JAZF1: variants seen among roughly 807,000 people sequenced by gnomAD.
The protein encoded by JAZF1 is JAZF zinc finger 1.
JAZF1 carries 8 observed loss-of-function variants against 26.4 expected under a neutral mutation model. That is an observed-to-expected ratio of 0.30 (90% CI 0.18 to 0.55). The LOEUF is 0.55. JAZF1 is among the 20% of genes least tolerant of loss of function. JAZF1 has a pLI of 0.94. For synonymous variants in JAZF1, 126 were observed against 122.3 expected (o/e 1.03, Z -0.20); for missense variants, 199 against 322.0 (o/e 0.62, Z 2.92).
At chr7:27,907,903 C>T (rs189239462) in intron 2 of JAZF1, among the ~76,000 whole-genome samples, 1 of 152,158 alleles carries the variant, frequency 6.6e-6, no homozygotes, top group Non-Finnish European at 1.5e-5. Flanking sequence ...CAGCACTGTG[C>T]CCTAGGTAGT....
intron 2 of JAZF1, among the ~76,000 whole-genome samples, chr7:27,928,111 C>A (rs1784628635): frequency 6.6e-6 from 1 of 152,174 alleles, no homozygotes. Context: ...GATGGCTATA[C>A]TTAAAATGCT....
chr7:28,139,692 TAC>T (rs1782934317), intron 1 of JAZF1, among the ~76,000 whole-genome samples: 3 of 152,214 alleles, frequency 2.0e-5, no homozygotes, highest in African/African-American at 7.2e-5. Context: ...CAGTTTATGG[TAC>T]AGTTATTGTA....
At chr7:27,887,803 T>C (rs1446701654) in intron 3 of JAZF1, among the ~76,000 whole-genome samples, 1 of 152,112 alleles carries the variant, frequency 6.6e-6, no homozygotes, top group East Asian at 1.9e-4. Context: ...ACAAATAAAA[T>C]CCTATTTCCT....
intron 2 of JAZF1, among the ~76,000 whole-genome samples, chr7:27,977,964 T>C (rs1785504596): frequency 6.6e-6 from 1 of 152,208 alleles, no homozygotes; most frequent in Non-Finnish European, 1.5e-5. Flanking sequence ...AACCATTATG[T>C]TGTACATTTG....
intron 2 of JAZF1, among the ~76,000 whole-genome samples, chr7:27,898,109 G>A (rs1784101736): frequency 6.6e-6 from 1 of 151,990 alleles, no homozygotes; most frequent in African/African-American, 2.4e-5. Flanking sequence ...GTGTCTTGAG[G>A]ACACACCACA....
intron 1 of JAZF1, among the ~76,000 whole-genome samples, chr7:28,105,221 A>T (rs992232021): frequency 5.3e-5 from 8 of 152,212 alleles, no homozygotes; most frequent in Non-Finnish European, 1.0e-4. Context: ...ACTCTACCTG[A>T]AGACAATTTT....
At chr7:28,071,628 C>G in intron 1 of JAZF1, 1 of 471,820 alleles carries the variant, frequency 2.1e-6, no homozygotes, top group South Asian at 1.5e-5. Context: ...CATTTGCCAC[C>G]CACATACAGA....
chr7:27,946,905 A>G (rs1367415435), intron 2 of JAZF1, among the ~76,000 whole-genome samples: 1 of 152,240 alleles, frequency 6.6e-6, no homozygotes, highest in Admixed American at 6.5e-5. Flanking sequence ...CACTGAGGAC[A>G]GAATATCACT....
At chr7:27,947,025 G>A (rs78811998) in intron 2 of JAZF1, among the ~76,000 whole-genome samples, 2,261 of 152,304 alleles carry the variant, frequency 0.015, 20 homozygotes, top group Non-Finnish European at 0.024. Context: ...TGAAGTTTTT[G>A]TTTTCAAGCA....
At chr7:27,975,260 G>A (rs1446575808) in intron 2 of JAZF1, among the ~76,000 whole-genome samples, 1 of 151,994 alleles carries the variant, frequency 6.6e-6, no homozygotes, top group Non-Finnish European at 1.5e-5. Context: ...CAAGAGGAGG[G>A]GGAGGTACCA....
At chr7:28,051,271 G>T (rs1783611926) in intron 1 of JAZF1, among the ~76,000 whole-genome samples, 1 of 151,094 alleles carries the variant, frequency 6.6e-6, no homozygotes, top group South Asian at 2.1e-4. Flanking sequence ...CTGTTGCCAG[G>T]GTGGAGTGCA....
intron 2 of JAZF1, among the ~76,000 whole-genome samples, chr7:27,943,334 C>G (rs541877034): frequency 6.6e-6 from 1 of 152,230 alleles, no homozygotes; most frequent in South Asian, 2.1e-4. Flanking sequence ...TGATAAGGCT[C>G]AGGGTCGTGG....
intron 2 of JAZF1, among the ~76,000 whole-genome samples, chr7:27,989,976 C>A (rs1427512490): frequency 6.6e-6 from 1 of 152,194 alleles, no homozygotes; most frequent in Non-Finnish European, 1.5e-5. Flanking sequence ...TATAAAGACA[C>A]ATGCACATGT....
intron 2 of JAZF1, among the ~76,000 whole-genome samples, chr7:27,918,565 A>G (rs774350710): frequency 1.3e-5 from 2 of 152,212 alleles, no homozygotes; most frequent in African/African-American, 2.4e-5. Context: ...ATGGATGTCA[A>G]TATTTTCTAG....
chr7:27,865,354 G>A (rs1237038885), intron 3 of JAZF1, among the ~76,000 whole-genome samples: 1 of 152,252 alleles, frequency 6.6e-6, no homozygotes, highest in South Asian at 2.1e-4. Flanking sequence ...CTAGGTGACA[G>A]AGTGAGACCC....
intron 3 of JAZF1, among the ~76,000 whole-genome samples, chr7:27,874,555 G>A (rs748538921): frequency 7.2e-5 from 11 of 152,054 alleles, no homozygotes; most frequent in Non-Finnish European, 1.3e-4. Context: ...ACAGACATCC[G>A]AACCTTAGAT....
intron 1 of JAZF1, among the ~76,000 whole-genome samples, chr7:28,073,662 C>T (rs1197100029): frequency 6.6e-6 from 1 of 152,132 alleles, no homozygotes; most frequent in Non-Finnish European, 1.5e-5. Flanking sequence ...TGCTTATTTA[C>T]GTCACATATG....
chr7:27,939,999 A>C (rs532285988), intron 2 of JAZF1, among the ~76,000 whole-genome samples: 2 of 152,160 alleles, frequency 1.3e-5, no homozygotes, highest in East Asian at 3.9e-4. Context: ...CTGAGGACTG[A>C]GGCAGGCAGC....
intron 1 of JAZF1, among the ~76,000 whole-genome samples, chr7:28,062,910 C>T (rs17156321): frequency 0.024 from 3,606 of 152,292 alleles, 149 homozygotes; most frequent in African/African-American, 0.082. Context: ...GTCATCTACT[C>T]TTTCCTCATC....
Sources: allele counts gnomAD v4.1 joint callset (sites outside exome capture counted in the v4.1 genomes callset), GRCh38; gene constraint gnomAD v4.1.1; transcripts MANE v1.5; gene names NCBI Gene and HGNC (gene_info 2026-07-23, HGNC 2026-07-21).